The following FOXM1 variants were observed in gnomAD, a reference collection of about 807,000 sequenced individuals.
FOXM1 encodes the protein forkhead box protein M1.
A neutral mutation model predicts 63.6 loss-of-function variants in FOXM1; 25 were observed. That is an observed-to-expected ratio of 0.39 (90% confidence interval 0.29 to 0.55). The LOEUF is 0.55. FOXM1 is among the 20% of genes least tolerant of loss of function. The pLI is 0.60. For missense variants in FOXM1, 879 were observed against 958.7 expected, an observed-to-expected ratio of 0.92 and a Z score of 1.10; for synonymous variants, 387 against 376.9, an observed-to-expected ratio of 1.03 and a Z score of -0.31.
At chr12:2,867,478 A>G (rs1033409121) in intron 4 of FOXM1, among the ~76,000 whole-genome samples, 2 of 152,064 alleles carry the variant, frequency 1.3e-5, no homozygotes, top group African/African-American at 4.8e-5. Flanking sequence ...AAGTAAGCTG[A>G]TGGAAGGGAG....
Position 2,873,998 on chromosome 12 carries a change from C to T in FOXM1, c.481G>A (p.Glu161Lys), listed in dbSNP as rs201000406. The change falls in exon 2 of 9, where the codon GAG (glutamate) becomes AAG (lysine). Residue 161 changes from glutamate (E) to lysine (K), a missense_variant. Around this residue, in one of 4 missense-constraint regions of FOXM1, gnomAD observed 255 missense variants for 292.4 expected, o/e 0.87. Coordinates refer to ENST00000359843, the MANE Select transcript of FOXM1 (RefSeq NM_021953.4). ...ATACCACAGGTCTCCCGTTTCTGCT[C>T]GCAAAGGGCTCCAGGTGGTCTAGGA... ...NLPRPPGALC[E>K]QKRETCADGE... 2.2e-5 allele frequency: 35 copies of T among 1,612,804 alleles called. No individual in the cohort carries two copies. The African/African-American group carries it at 2.4e-4, about 11-fold the overall frequency.
chr12:2,863,279 T>C (rs60551231), intron 8 of FOXM1, among the ~76,000 whole-genome samples: 3,760 of 152,298 alleles, frequency 0.025, 158 homozygotes, highest in African/African-American at 0.085. Context: ...AAACCCTGAG[T>C]TAGTCTGACC....
intron 4 of FOXM1, among the ~76,000 whole-genome samples, chr12:2,867,447 C>CA (rs889709473): frequency 5.3e-5 from 8 of 151,874 alleles, no homozygotes; most frequent in Admixed American, 3.3e-4. Flanking sequence ...TCTCAAAAAA[C>CA]AAACAAACAA....
Position 2,858,938 on chromosome 12 carries a change from C to T in FOXM1, c.1992G>A (p.Leu664=), listed in dbSNP as rs2098100322. The T allele has an allele frequency of 1.2e-6, 2 of 1,613,666 alleles. No individual in the cohort carries two copies. The highest frequency in any genetic ancestry group is 1.3e-5 in the African/African-American group (1 of 74,994). Residue 664 remains leucine, a synonymous_variant, in exon 9 of 9, where the codon TTG becomes TTA. Transcript: ENST00000359843. The stretch of plus-strand genomic sequence containing the variant: ...GTGATTCAAGGGGGGGAGCACTTTG[C>T]AAGGGAGTGGTGCTGAGATCCATCA... The part of the protein sequence containing the change: ...LGLMDLSTTP[L]QSAPPLESPQ...
rs756784859 is a variant in FOXM1 at position 2,858,797 on chromosome 12, G to A, written c.2133C>T (p.Gly711=). 1.2e-6 allele frequency: 2 copies of A among 1,614,214 alleles called. No homozygotes were observed. The highest frequency in any genetic ancestry group is 1.1e-5 in the South Asian group (1 of 91,082). The part of the protein sequence containing the change: ...KPGSPEPQVS[G]LAANRSLTEG... ...CTGTCAGAGAACGATTGGCTGCAAG[G>A]CCAGAAACCTGTGGCTCCGGGGAGC... The change falls in exon 9 of 9, where the codon GGC becomes GGT. Residue 711 remains glycine, a synonymous_variant. Transcript: ENST00000359843.
In FOXM1 at chr12:2,868,586, G is replaced by C; in HGVS notation, c.823C>G (p.His275Asp). The C allele has an allele frequency of 6.2e-7, 1 of 1,612,642 alleles. No individual in the cohort carries two copies. Among genetic ancestry groups the C allele is most frequent in the Non-Finnish European group, 8.5e-7 (1 of 1,179,254 alleles). The change falls in exon 4 of 9, where the codon CAC becomes GAC. Residue 275 changes from histidine (H) to aspartate (D), a missense_variant. His to Asp is a moderately conservative substitution (Grantham distance 81). This residue lies in a region of FOXM1 where 62 missense variants were observed against 118.2 expected (regional missense o/e 0.52). Transcript: ENST00000359843. ...ACCTTCCAGCCTGGCTTGGCAATGT[G>C]CTTAAAGTAGGGAAAGTGGTCCTCA... ...WIEDHFPYFK[H>D]IAKPGWKNSI...
Position 2,864,034 on chromosome 12 carries a change from C to T in FOXM1, c.1266+286G>A, listed in dbSNP as rs543477717. 6.2e-5 allele frequency: 20 copies of T among 320,922 alleles called. No homozygotes were observed. Among genetic ancestry groups the T allele is most frequent in the Non-Finnish European group, 1.0e-4 (18 of 171,434 alleles). 19.9% of individuals were successfully genotyped at this position (320,922 alleles called of 1,614,324 possible). On this transcript the variant is annotated intron_variant, in intron 8 of 8. Coordinates refer to ENST00000359843, the MANE Select transcript of FOXM1 (RefSeq NM_021953.4). This position sits in a 1 kb window ranked among gnomAD's most constrained non-coding sequence, Gnocchi z 5.1. ...CCATCTCTTTCTAAGGCCTGCCTCC[C>T]TTGTGTATCTTCCTTAATAATCCTA...
chr12:2,859,970 T>C (rs2098107121), intron 8 of FOXM1, among the ~76,000 whole-genome samples: 1 of 152,116 alleles, frequency 6.6e-6, no homozygotes, highest in Non-Finnish European at 1.5e-5. Flanking sequence ...TGGTAGCGGG[T>C]AGTGACATTA....
chr12:2,859,531 C>G lies in FOXM1; in HGVS notation c.1399G>C (p.Gly467Arg). Residue 467 changes from glycine to arginine, a missense_variant, in exon 9 of 9, where the codon GGG becomes CGG. Transcript: ENST00000359843. Reference protein sequence around the residue: ...QTIKEEEIQPGEEMPHLARPI... With the variant: ...QTIKEEEIQPREEMPHLARPI... Reference sequence around the variant, plus strand: ...CTCGCTAAGTGTGGCATTTCCTCCCCAGGCTGGATTTCTTCCTCCTTGATA... The same window carrying G: ...CTCGCTAAGTGTGGCATTTCCTCCCGAGGCTGGATTTCTTCCTCCTTGATA... 6.2e-7 allele frequency: 1 copy of G among 1,614,062 alleles called. No homozygotes were observed. Among genetic ancestry groups the G allele is most frequent in the Non-Finnish European group, 8.5e-7 (1 of 1,179,984 alleles).
intron 8 of FOXM1, among the ~76,000 whole-genome samples, chr12:2,863,136 G>A (rs28990722): frequency 0.023 from 3,453 of 152,166 alleles, 136 homozygotes; most frequent in African/African-American, 0.078. Flanking sequence ...TTGGATTGCC[G>A]CGCCTGTGGT....
At position 2,864,467 on chromosome 12, in the gene FOXM1, C is replaced by G. The variant is rs1408418677; in HGVS notation, c.1119G>C (p.Arg373=). The G allele has an allele frequency of 6.2e-7, 1 of 1,613,338 alleles. No homozygotes were observed. Among genetic ancestry groups the G allele is most frequent in the South Asian group, 1.1e-5 (1 of 91,054 alleles). ...GGATAGGTACCAGGTATGAGCTGAC[C>G]CGTGGTAGCAGTGGCTTCATCTTCC... ...ARRKMKPLLP[R]VSSYLVPIQF... Residue 373 remains arginine (R), a synonymous_variant, in exon 8 of 9, where the codon CGG becomes CGC. Coordinates refer to ENST00000359843, the MANE Select transcript of FOXM1 (RefSeq NM_021953.4). The surrounding 1 kb of genome is among the most constrained non-coding windows in gnomAD (Gnocchi z 5.1).
chr12:2,863,160 G>A (rs772003190), intron 8 of FOXM1, among the ~76,000 whole-genome samples: 5 of 152,098 alleles, frequency 3.3e-5, no homozygotes, highest in South Asian at 2.1e-4. Context: ...TGCTACTGGC[G>A]TCTAGTGGGG....
Position 2,864,899 on chromosome 12 carries a change from G to A in FOXM1, c.1021-147C>T, listed in dbSNP as rs190955480. ...AGGAGGCCAACCTGAGGGGATGGAC[G>A]TAGGCGAGCAGTCTCCAAAACTGTG... On this transcript the variant is annotated intron_variant, in intron 6 of 8. Transcript: ENST00000359843. This position sits in a 1 kb window ranked among gnomAD's most constrained non-coding sequence, Gnocchi z 5.1. 3.8e-5 allele frequency: 31 copies of A among 810,372 alleles called. 1 individual carries two copies. Among genetic ancestry groups the A allele is most frequent in the Middle Eastern group, 2.9e-4 (1 of 3,502 alleles). 50.2% of individuals were successfully genotyped at this position (810,372 alleles called of 1,614,324 possible). A position where few individuals can be genotyped will look rare whatever the true frequency, so the allele number is the denominator to read the frequency against.
At position 2,858,305 on chromosome 12, in the gene FOXM1, C is replaced by T. The variant is rs151033195; in HGVS notation, c.*333G>A. The T allele has an allele frequency of 6.2e-4, 168 of 270,592 alleles. 1 individual carries two copies. The East Asian group carries it at 0.011, about 18-fold the overall frequency. The allele number at this position is 270,592 out of a possible 1,614,324, so 16.8% of individuals were successfully genotyped here. On this transcript the variant is annotated 3_prime_UTR_variant, in exon 9 of 9. Coordinates refer to ENST00000359843, the MANE Select transcript of FOXM1 (RefSeq NM_021953.4). ...ATTTGGAGAATTTATACTATTTACA[C>T]GGACCACCCTGCAAAGATCAGGGAA... is the stretch of plus-strand genomic sequence containing the variant.
In FOXM1 at chr12:2,859,360, T is replaced by C; in HGVS notation, c.1570A>G (p.Thr524Ala). The C allele has an allele frequency of 6.2e-7, 1 of 1,613,424 alleles. No homozygotes were observed. Among genetic ancestry groups the C allele is most frequent in the Non-Finnish European group, 8.5e-7 (1 of 1,179,918 alleles). ...KKSYSGLRSP[T>A]RCVSEMLVIQ... ...ACAAGCATTTCCGAGACACACCGGGTTGGGGACCTAAGCCCACTGTAGGAC... is the reference window on the plus strand; with the variant it reads ...ACAAGCATTTCCGAGACACACCGGGCTGGGGACCTAAGCCCACTGTAGGAC... Residue 524 changes from threonine (T) to alanine (A), a missense_variant, in exon 9 of 9, where the codon ACC (threonine) becomes GCC (alanine). By Grantham distance (58) the Thr-to-Ala change is moderately conservative (BLOSUM62 0). Around this residue, in one of 4 missense-constraint regions of FOXM1, gnomAD observed 486 missense variants for 453.5 expected, o/e 1.07. Transcript: ENST00000359843.
intron 6 of FOXM1, chr12:2,865,028 T>G: frequency 1.7e-6 from 1 of 582,304 alleles, no homozygotes; most frequent in South Asian, 2.1e-5. Context: ...AGCAGGTAGC[T>G]ATATGCGTGG....
intron 3 of FOXM1, among the ~76,000 whole-genome samples, chr12:2,870,246 G>C (rs796996596): frequency 2.6e-5 from 4 of 152,284 alleles, no homozygotes; most frequent in African/African-American, 9.6e-5. Context: ...AAAGTGCTGT[G>C]ATTACAAGCA....
chr12:2,875,598 ATATTT>A (rs2098141225), intron 1 of FOXM1, among the ~76,000 whole-genome samples: 1 of 152,196 alleles, frequency 6.6e-6, no homozygotes, highest in African/African-American at 2.4e-5. Context: ...GTGGTTATAT[ATATTT>A]TAACTAAGCA....
Position 2,864,866 on chromosome 12 carries a change from C to T in FOXM1, c.1021-114G>A. The T allele has an allele frequency of 8.1e-7, 1 of 1,228,310 alleles. No individual in the cohort carries two copies. Among genetic ancestry groups the T allele is most frequent in the South Asian group, 1.2e-5 (1 of 82,448 alleles). 76.1% of individuals were successfully genotyped at this position (1,228,310 alleles called of 1,614,324 possible). Reference sequence around the variant, plus strand: ...GGTGTGTGCTTGAGTTAATGACAGCCCAGAGAGAGGAGGCCAACCTGAGGG... The same window carrying T: ...GGTGTGTGCTTGAGTTAATGACAGCTCAGAGAGAGGAGGCCAACCTGAGGG... On this transcript the variant is annotated intron_variant, in intron 6 of 8. Coordinates refer to ENST00000359843, the MANE Select transcript of FOXM1 (RefSeq NM_021953.4). This position sits in a 1 kb window ranked among gnomAD's most constrained non-coding sequence, Gnocchi z 5.1.
Sources: gnomAD v4.1 joint callset for allele counts (sites outside exome capture counted in the v4.1 genomes callset) on GRCh38, gnomAD v4.1.1 for gene constraint, gnomAD v4.1.1 regional missense constraint, Gnocchi (gnomAD v3.1) non-coding constraint, MANE v1.5 for transcripts, NCBI Gene and HGNC (gene_info 2026-07-23, HGNC 2026-07-21) for gene names.